The following TRIM69 variants were observed in gnomAD, a reference collection of about 807,000 sequenced individuals.
The protein encoded by TRIM69 is tripartite motif containing 69.
TRIM69 carries 29 observed loss-of-function variants against 37.7 expected under a neutral mutation model. The ratio of observed to expected loss-of-function variants is 0.77; its 90% CI spans 0.57 to 1.05. The LOEUF (loss-of-function observed/expected upper bound fraction) is 1.05. TRIM69 is among the 50% of genes least tolerant of loss of function. The pLI is 0.00. For synonymous variants in TRIM69, 209 were observed against 212.4 expected (o/e 0.98, Z 0.14); for missense variants, 596 against 579.9 (o/e 1.03, Z -0.28).
intron 1 of TRIM69, among the ~76,000 whole-genome samples, chr15:44,744,677 G>A (rs1012055672): frequency 4.6e-5 from 7 of 152,014 alleles, no homozygotes; most frequent in Non-Finnish European, 8.8e-5. Context: ...CCATCTTGGT[G>A]GTGGTTTTAA....
intron 1 of TRIM69, among the ~76,000 whole-genome samples, chr15:44,746,658 C>T (rs1253557096): frequency 3.3e-5 from 5 of 152,124 alleles, no homozygotes; most frequent in Non-Finnish European, 1.5e-5. Flanking sequence ...GGCATCCACA[C>T]TGATTAATGC....
chr15:44,755,736 G>A (rs915508349), intron 2 of TRIM69, among the ~76,000 whole-genome samples: 1 of 152,186 alleles, frequency 6.6e-6, no homozygotes, highest in African/African-American at 2.4e-5. Flanking sequence ...TATTAAGATA[G>A]CCTCGTGTTA....
Position 44,765,685 on chromosome 15 carries a change from C to T in TRIM69, c.962-1546C>T, listed in dbSNP as rs191068304. Among the ~76,000 whole-genome samples the T allele has an allele frequency of 1.4e-3, 219 of 151,820 alleles. 7 individuals carry two copies. Among genetic ancestry groups the T allele is most frequent in the Admixed American group, 0.013 (192 of 15,254 alleles). ...AGGAGAATTGCTTGAACCCAGGAGG[C>T]GGAGGTTGCAGTGAGCCGAGGTTGT... On this transcript the variant is annotated intron_variant, in intron 6 of 6. Transcript: ENST00000329464.
chr15:44,736,612 T>A lies in TRIM69; in HGVS notation c.-93T>A. On this transcript the variant is annotated 5_prime_UTR_variant, in exon 1 of 7. Transcript: ENST00000329464. ...TGCTCTGAGCCCATTCCTTGAAAAC[T>A]AAAAGGTCCCTGACTCCCAGTCTGC... 1 of 1,513,234 alleles carries A rather than the reference T, an allele frequency of 6.6e-7. No homozygotes were observed. Among genetic ancestry groups the A allele is most frequent in the African/African-American group, 1.4e-5 (1 of 70,544 alleles). 93.7% of individuals were successfully genotyped at this position (1,513,234 alleles called of 1,614,324 possible).
chr15:44,737,976 A>C (rs2087195677), intron 1 of TRIM69, among the ~76,000 whole-genome samples: 1 of 151,954 alleles, frequency 6.6e-6, no homozygotes, highest in African/African-American at 2.4e-5. Context: ...CATGGACTTC[A>C]TAGCTCTTTG....
intron 6 of TRIM69, among the ~76,000 whole-genome samples, chr15:44,765,515 G>C (rs772296096): frequency 7.2e-5 from 11 of 152,136 alleles, no homozygotes; most frequent in Non-Finnish European, 1.6e-4. Flanking sequence ...AAAGACTCAG[G>C]CTTTTCTGAG....
chr15:44,759,032 G>A (rs750822667), intron 4 of TRIM69, among the ~76,000 whole-genome samples, 178 bp downstream of exon 4: 3 of 152,134 alleles, frequency 2.0e-5, no homozygotes, highest in Non-Finnish European at 2.9e-5. Flanking sequence ...TCAGCTATAC[G>A]CACAGCAGAA....
intron 1 of TRIM69, among the ~76,000 whole-genome samples, chr15:44,743,223 C>T (rs2087330833): frequency 6.6e-6 from 1 of 152,204 alleles, no homozygotes; most frequent in African/African-American, 2.4e-5. Context: ...AAAGGATTCC[C>T]TATTTCATAA....
intron 1 of TRIM69, chr15:44,754,484 T>C (rs1470894054): frequency 1.9e-5 from 3 of 160,624 alleles, no homozygotes; most frequent in Non-Finnish European, 4.1e-5. Context: ...CCCTGGATGG[T>C]TGACGATATC....
chr15:44,767,541 A>G lies in TRIM69; in HGVS notation c.1272A>G (p.Leu424=), dbSNP rs1261072431. The G allele has an allele frequency of 1.2e-6, 2 of 1,614,230 alleles. No individual in the cohort carries two copies. The change falls in exon 7 of 7, where the codon CTA becomes CTG. Residue 424 remains leucine (L), a synonymous_variant. Transcript: ENST00000329464. The part of the protein sequence containing the change: ...WLLRLRNQTD[L]KALDLPSFSL... The stretch of plus-strand genomic sequence containing the variant: ...TAAGACTAAGGAACCAAACTGATCT[A>G]AAGGCTCTGGATTTGCCTTCTTTCA...
At chr15:44,754,513 T>A (rs2087601433) in intron 1 of TRIM69, 1 of 171,592 alleles carries the variant, frequency 5.8e-6, no homozygotes, top group Admixed American at 5.8e-5. Context: ...GACTAAGGAA[T>A]CTGATTGATT....
Position 44,767,258 on chromosome 15 carries a change from A to G in TRIM69, c.989A>G (p.Lys330Arg). The change falls in exon 7 of 7, where the codon AAA becomes AGA. Residue 330 changes from lysine to arginine, a missense_variant. Coordinates refer to ENST00000329464, the MANE Select transcript of TRIM69 (RefSeq NM_182985.5). ...PGLSPLTLDPKTAHPNLVLSK... is the reference protein window; with the variant it reads ...PGLSPLTLDPRTAHPNLVLSK... The stretch of plus-strand genomic sequence containing the variant: ...CTGTCTCCACTAACTCTGGACCCTA[A>G]AACAGCTCACCCAAATCTGGTGCTC... The G allele has an allele frequency of 6.2e-7, 1 of 1,613,778 alleles. No individual in the cohort carries two copies. The highest frequency in any genetic ancestry group is 8.5e-7 in the Non-Finnish European group (1 of 1,179,946).
chr15:44,752,370 C>T (rs1485255339), intron 1 of TRIM69, among the ~76,000 whole-genome samples: 1 of 151,816 alleles, frequency 6.6e-6, no homozygotes, highest in African/African-American at 2.4e-5. Flanking sequence ...TGATAATATC[C>T]TTCTTTGTAT....
intron 1 of TRIM69, among the ~76,000 whole-genome samples, chr15:44,750,934 GTTTCT>G (rs1246813408): frequency 3.5e-5 from 3 of 84,806 alleles, no homozygotes; most frequent in Non-Finnish European, 7.5e-5. Flanking sequence ...TTTCTATTTT[GTTTCT>G]TTTCTTTTGC....
rs751379016 is a variant in TRIM69 at position 44,758,655 on chromosome 15, T to C, written c.614T>C (p.Met205Thr). The change falls in exon 4 of 7, where the codon ATG becomes ACG. Residue 205 changes from methionine (M) to threonine (T), a missense_variant. By Grantham distance (81) the Met-to-Thr change is moderately conservative. Transcript: ENST00000329464. ...CTACATCTGCAGCAACATGTGTCCA[T>C]GGAGTTTCTAAAGCTGCATCAGTTC... ...NKLHLQQHVS[M>T]EFLKLHQFLH... The C allele has an allele frequency of 1.2e-6, 2 of 1,614,130 alleles. No homozygotes were observed. The highest frequency in any genetic ancestry group is 8.5e-7 in the Non-Finnish European group (1 of 1,180,002).
At chr15:44,767,111 AAG>A (rs2087911462) in intron 6 of TRIM69, 118 bp from the exon 7 acceptor site, 6 of 388,706 alleles carry the variant, frequency 1.5e-5, no homozygotes, top group Non-Finnish European at 2.4e-5. Flanking sequence ...TTGCCTGTCT[AAG>A]AGTCTATGTG....
At chr15:44,758,550 G>A in intron 3 of TRIM69, 71 bp from the exon 4 acceptor site, 4 of 1,582,898 alleles carry the variant, frequency 2.5e-6, no homozygotes, top group Admixed American at 1.7e-5. Flanking sequence ...TGTGAGTGTT[G>A]GTGGTGTGGG....
At chr15:44,747,484 A>C (rs983296577) in intron 1 of TRIM69, among the ~76,000 whole-genome samples, 2 of 152,240 alleles carry the variant, frequency 1.3e-5, no homozygotes, top group Non-Finnish European at 2.9e-5. Flanking sequence ...AAATGGGAGA[A>C]AATGTCCAAA....
Position 44,736,532 on chromosome 15 carries a change from C to A in TRIM69, c.-173C>A. The A allele has an allele frequency of 1.7e-6, 1 of 587,812 alleles. No individual in the cohort carries two copies. Among genetic ancestry groups the A allele is most frequent in the Non-Finnish European group, 2.8e-6 (1 of 351,730 alleles). 36.4% of individuals were successfully genotyped at this position (587,812 alleles called of 1,614,324 possible). On this transcript the variant is annotated 5_prime_UTR_variant, in exon 1 of 7. Transcript: ENST00000329464. The stretch of plus-strand genomic sequence containing the variant: ...CAAACTGTCACGGAATCTGCCAGAC[C>A]TCACTCTGGCCTTGCTGCTTCTCTC...
Sources: gnomAD v4.1 joint callset for allele counts (sites outside exome capture counted in the v4.1 genomes callset) on GRCh38, gnomAD v4.1.1 for gene constraint, MANE v1.5 for transcripts, NCBI Gene and HGNC (gene_info 2026-07-23, HGNC 2026-07-21) for gene names.